The following FGF14 variants were observed in gnomAD, a reference collection of about 807,000 sequenced individuals.
FGF14 encodes the protein fibroblast growth factor 14, also known as fibroblast growth factor homologous factor 4.
A neutral mutation model predicts 25.5 loss-of-function variants in FGF14; 5 were observed. The ratio of observed to expected loss-of-function variants is 0.20; its 90% CI spans 0.10 to 0.41. The LOEUF (loss-of-function observed/expected upper bound fraction) is 0.41, where lower values mean the gene tolerates loss of function less well. Ranked by LOEUF, FGF14 falls within the 10% of genes least tolerant of loss-of-function variation. The pLI is 1.00. For synonymous variants in FGF14, 138 were observed against 118.3 expected (o/e 1.17, Z -1.08); for missense variants, 222 against 320.1 (o/e 0.69, Z 2.34).
rs144824197 is a variant in FGF14, at chr13:102,081,633, CCT to C, written c.209-206339_209-206338del. 3.3e-3 allele frequency among the ~76,000 whole-genome samples: 504 copies of C among 152,130 alleles called. 4 individuals carry two copies. The highest frequency in any genetic ancestry group is 0.011 in the African/African-American group (464 of 41,518). Reference sequence around the variant, plus strand: ...ATTATCAATTGGAATAGATACTCATCCTCTGACATTTTACGAGTTTAAGATTG... The same window carrying C: ...ATTATCAATTGGAATAGATACTCATCCTGACATTTTACGAGTTTAAGATTG... On this transcript the variant is annotated intron_variant, in intron 1 of 4. Coordinates refer to the FGF14 transcript ENST00000376131.
chr13:102,256,896 T>G (rs1464025299), intron 1 of FGF14, among the ~76,000 whole-genome samples: 1 of 152,206 alleles, frequency 6.6e-6, no homozygotes, highest in Non-Finnish European at 1.5e-5. Flanking sequence ...AAATAATTGG[T>G]CATGAATTGA....
chr13:102,351,825 TA>T (rs1394176798), intron 1 of FGF14, among the ~76,000 whole-genome samples: 1 of 152,250 alleles, frequency 6.6e-6, no homozygotes, highest in Non-Finnish European at 1.5e-5. Flanking sequence ...TTTTGTCATC[TA>T]GTCTCTGAAG....
chr13:102,195,758 T>C (rs899381664), intron 1 of FGF14, among the ~76,000 whole-genome samples: 1 of 123,958 alleles, frequency 8.1e-6, no homozygotes, highest in African/African-American at 3.2e-5. Flanking sequence ...CACCACTGCA[T>C]ACAAGCCTGG....
At chr13:102,387,116 C>T (rs2058323258) in intron 1 of FGF14, among the ~76,000 whole-genome samples, 1 of 152,198 alleles carries the variant, frequency 6.6e-6, no homozygotes, top group African/African-American at 2.4e-5. Flanking sequence ...GAAATTGCAA[C>T]TGCTGAGAAT....
chr13:102,105,835 A>C (rs939680023), intron 1 of FGF14, among the ~76,000 whole-genome samples: 2 of 152,220 alleles, frequency 1.3e-5, no homozygotes, highest in African/African-American at 4.8e-5. Context: ...GAATCTCAGG[A>C]GATATTGGAT....
At chr13:101,829,229 C>A (rs939799313) in intron 3 of FGF14, among the ~76,000 whole-genome samples, 5 of 152,118 alleles carry the variant, frequency 3.3e-5, no homozygotes, top group African/African-American at 1.2e-4. Flanking sequence ...GGTTATTAGA[C>A]ATCCCTGTGG....
intron 3 of FGF14, among the ~76,000 whole-genome samples, chr13:101,833,655 G>A (rs961167344): frequency 7.9e-5 from 12 of 152,030 alleles, no homozygotes; most frequent in Non-Finnish European, 1.2e-4. Context: ...ATATGCATAT[G>A]TGTGTATATA....
At chr13:101,784,219 C>T (rs1484090118) in intron 3 of FGF14, among the ~76,000 whole-genome samples, 1 of 152,166 alleles carries the variant, frequency 6.6e-6, no homozygotes, top group Non-Finnish European at 1.5e-5. Context: ...AAAGTTTGAA[C>T]ATCATAGCTT....
intron 1 of FGF14, among the ~76,000 whole-genome samples, chr13:102,352,913 G>A (rs2057329665): frequency 6.6e-6 from 1 of 151,074 alleles, no homozygotes; most frequent in African/African-American, 2.4e-5. Flanking sequence ...TCTTATAATA[G>A]ACTGCTCTAA....
chr13:102,320,795 C>A (rs2138754598), intron 1 of FGF14, among the ~76,000 whole-genome samples: 1 of 152,284 alleles, frequency 6.6e-6, no homozygotes, highest in Admixed American at 6.5e-5. Flanking sequence ...GAAAAAATAG[C>A]AACATGAGAT....
At chr13:102,243,343 TC>T (rs757669764) in intron 1 of FGF14, among the ~76,000 whole-genome samples, 1 of 152,096 alleles carries the variant, frequency 6.6e-6, no homozygotes, top group Non-Finnish European at 1.5e-5. Context: ...ATGCCACCTT[TC>T]CCAGAAGGAA....
intron 3 of FGF14, among the ~76,000 whole-genome samples, chr13:101,779,429 G>A (rs1009680640): frequency 7.2e-5 from 11 of 152,138 alleles, no homozygotes; most frequent in Admixed American, 6.5e-4. Flanking sequence ...AGCCTAGTAA[G>A]GTTCACTTCT....
chr13:101,889,948 C>T (rs546739679), intron 1 of FGF14, among the ~76,000 whole-genome samples: 55 of 152,274 alleles, frequency 3.6e-4, no homozygotes, highest in South Asian at 2.1e-3. Context: ...TATATCAAGG[C>T]TTAGCTTAAA....
At chr13:101,915,663 G>A (rs1347722789) in intron 1 of FGF14, among the ~76,000 whole-genome samples, 2 of 152,200 alleles carry the variant, frequency 1.3e-5, no homozygotes, top group African/African-American at 2.4e-5. Context: ...AGAAATACCT[G>A]TAGTAAGGTA....
intron 1 of FGF14, among the ~76,000 whole-genome samples, chr13:102,274,611 T>C (rs1276834066): frequency 1.3e-5 from 2 of 152,104 alleles, no homozygotes; most frequent in Non-Finnish European, 2.9e-5. Flanking sequence ...TTAACACTCA[T>C]ATATATAATA....
chr13:102,157,677 G>T (rs2047410206), intron 1 of FGF14, among the ~76,000 whole-genome samples: 1 of 152,162 alleles, frequency 6.6e-6, no homozygotes, highest in Non-Finnish European at 1.5e-5. Context: ...TTAAACTAAA[G>T]AGCTTCTGCA....
chr13:102,008,326 A>G (rs2039909124), intron 1 of FGF14, among the ~76,000 whole-genome samples: 1 of 152,216 alleles, frequency 6.6e-6, no homozygotes, highest in Admixed American at 6.5e-5. Context: ...CCATGTGAGG[A>G]AAGACCTCTC....
At chr13:101,726,955 T>C (rs932384543) in intron 3 of FGF14, 145 bp from the exon 4 acceptor site, 2 of 617,236 alleles carry the variant, frequency 3.2e-6, no homozygotes, top group Non-Finnish European at 5.7e-6. Flanking sequence ...CGCACAGTAA[T>C]TGTCTATACA....
chr13:101,986,990 C>T (rs73569560), intron 1 of FGF14, among the ~76,000 whole-genome samples: 4,790 of 151,582 alleles, frequency 0.032, 234 homozygotes, highest in African/African-American at 0.11. Context: ...TTTCTATCAG[C>T]TCCATCTTCA....
Sources: allele counts gnomAD v4.1 joint callset (sites outside exome capture counted in the v4.1 genomes callset), GRCh38; gene constraint gnomAD v4.1.1; transcripts MANE v1.5; gene names NCBI Gene and HGNC (gene_info 2026-07-23, HGNC 2026-07-21).